Variants in APP observed in about 807,000 individuals in gnomAD.
APP encodes the protein amyloid-beta precursor protein.
Under a neutral mutation model 101.4 loss-of-function variants are expected in APP, and 31 were observed. The observed-to-expected ratio is 0.31, with a 90% CI of 0.23 to 0.41. The LOEUF (loss-of-function observed/expected upper bound fraction) is 0.41. APP is among the 10% of genes least tolerant of loss of function. The pLI is 1.00. For missense variants in APP, 839 were observed against 1,003.7 expected, an observed-to-expected ratio of 0.84 and a Z score of 2.22; for synonymous variants, 366 against 364.4, an observed-to-expected ratio of 1.00 and a Z score of -0.05.
At chr21:25,899,133 T>C (rs1752917840) in intron 15 of APP, among the ~76,000 whole-genome samples, 1 of 152,212 alleles carries the variant, frequency 6.6e-6, no homozygotes, top group South Asian at 2.1e-4. Flanking sequence ...TTACAGATTG[T>C]GAAGCTATCT....
chr21:26,169,953 G>T (rs1345423255), intron 1 of APP, among the ~76,000 whole-genome samples: 1 of 152,178 alleles, frequency 6.6e-6, no homozygotes, highest in Admixed American at 6.5e-5. Context: ...GCCGGCTCGG[G>T]CTAGGGTCGC....
At chr21:26,105,652 A>G (rs980223048) in intron 2 of APP, among the ~76,000 whole-genome samples, 1 of 152,252 alleles carries the variant, frequency 6.6e-6, no homozygotes, top group Non-Finnish European at 1.5e-5. Context: ...GGAAAGTGGC[A>G]GGAAGATCCT....
intron 11 of APP, among the ~76,000 whole-genome samples, chr21:25,966,701 T>C (rs2041809983): frequency 6.6e-6 from 1 of 152,228 alleles, no homozygotes; most frequent in Non-Finnish European, 1.5e-5. Context: ...CAACGAAAAG[T>C]GATGGGTAGA....
rs1356073433 is a variant in APP at position 26,086,353 on chromosome 21, T to G, written c.355+3590A>C. Among the ~76,000 whole-genome samples the G allele has an allele frequency of 2.0e-5, 3 of 152,142 alleles. 1 individual carries two copies. Among genetic ancestry groups the G allele is most frequent in the Non-Finnish European group, 4.4e-5 (3 of 68,026 alleles). The stretch of plus-strand genomic sequence containing the variant: ...GTGGCAACAGCAACCTGACATACTT[T>G]CCCCATGCAGACAAGAAATGTATAG... On this transcript the variant is annotated intron_variant, in intron 3 of 17. Transcript: ENST00000346798.
At chr21:26,091,252 G>A (rs2061817521) in intron 2 of APP, among the ~76,000 whole-genome samples, 2 of 152,152 alleles carry the variant, frequency 1.3e-5, no homozygotes, top group Admixed American at 6.5e-5. Context: ...TTAGACACAG[G>A]TAAAAGGTGG....
chr21:25,996,745 T>TG, intron 8 of APP, among the ~76,000 whole-genome samples: 1 of 152,244 alleles, frequency 6.6e-6, no homozygotes, highest in East Asian at 1.9e-4. Context: ...ACAACCCGAT[T>TG]GTGCGGGATG....
chr21:26,170,881 G>C (rs2063733539), upstream of APP: 1 of 383,344 alleles, frequency 2.6e-6, no homozygotes, highest in South Asian at 6.8e-5. Flanking sequence ...AACTGCGCCC[G>C]CTCGCGCCGG....
intron 3 of APP, among the ~76,000 whole-genome samples, chr21:26,081,090 A>G (rs1424536449): frequency 2.6e-5 from 4 of 152,220 alleles, no homozygotes; most frequent in Non-Finnish European, 5.9e-5. Context: ...TGATTCTCAA[A>G]TACATGGGAT....
intron 17 of APP, among the ~76,000 whole-genome samples, chr21:25,891,120 T>A (rs2037668626): frequency 6.6e-6 from 1 of 152,188 alleles, no homozygotes; most frequent in Admixed American, 6.5e-5. Flanking sequence ...ACCTTGAAAC[T>A]AAGATATTTC....
At position 25,954,933 on chromosome 21, in the gene APP, CT is replaced by C. The variant is rs5843189; in HGVS notation, c.1588-245del. ...TTGTTCTCCTATTTCTGTTCTCTAA[CT>C]TTTTGAGCTCAGGTTTAAGACTTGA... On this transcript the variant is annotated intron_variant, in intron 12 of 17. Transcript: ENST00000346798. 1 allele frequency among the ~76,000 whole-genome samples: 151,017 copies of C among 151,018 alleles called. 75,508 individuals carry two copies. Among genetic ancestry groups the C allele is most frequent in the Non-Finnish European group, 1 (67,942 of 67,942 alleles).
intron 8 of APP, among the ~76,000 whole-genome samples, chr21:25,996,078 C>T (rs1271640777): frequency 1.3e-5 from 2 of 152,134 alleles, no homozygotes; most frequent in South Asian, 4.1e-4. Flanking sequence ...CTGGATAAAT[C>T]TATTTCTGGA....
chr21:25,969,121 C>T (rs901089966), intron 11 of APP, among the ~76,000 whole-genome samples: 3 of 151,346 alleles, frequency 2.0e-5, no homozygotes, highest in African/African-American at 4.9e-5. Context: ...TGGCGGATCA[C>T]GAGGTCAGGA....
intron 8 of APP, among the ~76,000 whole-genome samples, chr21:25,994,049 C>T (rs1247561971): frequency 6.6e-6 from 1 of 152,190 alleles, no homozygotes; most frequent in Non-Finnish European, 1.5e-5. Flanking sequence ...TAAAAATTGG[C>T]ATGATGCTCT....
intron 13 of APP, among the ~76,000 whole-genome samples, chr21:25,912,891 CTCTTA>C (rs139412906): frequency 0.055 from 8,402 of 152,208 alleles, 369 homozygotes; most frequent in African/African-American, 0.12. Flanking sequence ...TGTGAGTCTT[CTCTTA>C]TGTCACCAAA....
At chr21:26,030,291 G>A (rs534348106) in intron 5 of APP, among the ~76,000 whole-genome samples, 15 of 152,342 alleles carry the variant, frequency 9.8e-5, no homozygotes, top group African/African-American at 3.4e-4. Context: ...CGGATAGGAT[G>A]TGAAATGCAT....
chr21:25,935,900 T>C (rs1348481290), intron 13 of APP, among the ~76,000 whole-genome samples: 1 of 144,414 alleles, frequency 6.9e-6, no homozygotes. Flanking sequence ...GCACTTCACA[T>C]ACCAAGGAGG....
At chr21:26,131,173 G>A (rs2062787071) in intron 1 of APP, among the ~76,000 whole-genome samples, 2 of 152,012 alleles carry the variant, frequency 1.3e-5, no homozygotes, top group African/African-American at 4.8e-5. Context: ...AGGTTGCGGT[G>A]AGCCAAGATC....
intron 2 of APP, among the ~76,000 whole-genome samples, chr21:26,092,324 T>C (rs2061841927): frequency 6.6e-6 from 1 of 152,150 alleles, no homozygotes. Flanking sequence ...GAAAATGGAA[T>C]GTCATTCAAC....
intron 5 of APP, among the ~76,000 whole-genome samples, chr21:26,039,491 T>TA (rs1276387414): frequency 6.6e-6 from 1 of 152,258 alleles, no homozygotes; most frequent in African/African-American, 2.4e-5. Context: ...GGTGCTATGC[T>TA]ATAAAGATTA....
Sources: gnomAD v4.1 joint callset for allele counts (sites outside exome capture counted in the v4.1 genomes callset) on GRCh38, gnomAD v4.1.1 for gene constraint, MANE v1.5 for transcripts, NCBI Gene and HGNC (gene_info 2026-07-23, HGNC 2026-07-21) for gene names.